Variants in LINGO2 observed in about 807,000 individuals in gnomAD.
LINGO2 encodes leucine rich repeat and Ig domain containing 2, also known as leucine-rich repeat and immunoglobulin-like domain-containing nogo receptor-interacting protein 2.
In LINGO2, 14 loss-of-function variants were observed where a neutral mutation model predicts 30.6. The ratio of observed to expected loss-of-function variants is 0.46; its 90% CI spans 0.30 to 0.72. The LOEUF (loss-of-function observed/expected upper bound fraction) is 0.72. LINGO2 is among the 30% of genes least tolerant of loss of function. LINGO2 has a pLI of 0.07. For synonymous variants in LINGO2, 317 were observed against 288.5 expected (o/e 1.10, Z -1.00); for missense variants, 729 against 751.7 (o/e 0.97, Z 0.35).
At chr9:28,949,891 G>A in the LINGO2 span, among the ~76,000 whole-genome samples, 1 of 152,110 alleles carries the variant, frequency 6.6e-6, no homozygotes, top group African/African-American at 2.4e-5. Context: ...ATAAAATACT[G>A]GATCCTGCAG....
At chr9:28,999,306 T>C in the LINGO2 span, among the ~76,000 whole-genome samples, 1 of 152,088 alleles carries the variant, frequency 6.6e-6, no homozygotes, top group Non-Finnish European at 1.5e-5. Flanking sequence ...GTCAGACATG[T>C]AAGCTTCATT....
intron 4 of LINGO2, among the ~76,000 whole-genome samples, chr9:28,082,489 G>T (rs186927948): frequency 1.1e-3 from 168 of 152,152 alleles, no homozygotes; most frequent in Middle Eastern, 6.8e-3. Context: ...TTACAAAGCT[G>T]TGAGTATGAT....
chr9:28,769,206 A>T, the LINGO2 span, among the ~76,000 whole-genome samples: 1 of 151,370 alleles, frequency 6.6e-6, no homozygotes, highest in Non-Finnish European at 1.5e-5. Context: ...ATTTAATCTT[A>T]ATTCTATAGG....
chr9:28,184,775 A>G (rs1819482328), intron 4 of LINGO2, among the ~76,000 whole-genome samples: 1 of 152,184 alleles, frequency 6.6e-6, no homozygotes, highest in Non-Finnish European at 1.5e-5. Context: ...AACTTTCAGT[A>G]AGAAAGCAAA....
At chr9:28,625,416 T>C (rs1826615204) in intron 1 of LINGO2, among the ~76,000 whole-genome samples, 1 of 152,160 alleles carries the variant, frequency 6.6e-6, no homozygotes, top group Non-Finnish European at 1.5e-5. Flanking sequence ...TCAATGTCTC[T>C]TTCAGTGATG....
chr9:28,309,153 T>C (rs557576248), intron 3 of LINGO2, among the ~76,000 whole-genome samples: 4 of 152,138 alleles, frequency 2.6e-5, no homozygotes, highest in Non-Finnish European at 5.9e-5. Flanking sequence ...TGTGGCATTA[T>C]TCACAATAGC....
intron 2 of LINGO2, among the ~76,000 whole-genome samples, chr9:28,385,972 G>A (rs928121364): frequency 1.4e-4 from 22 of 152,108 alleles, no homozygotes; most frequent in Non-Finnish European, 2.5e-4. Flanking sequence ...GGCCTTCTGG[G>A]AACTCAGACA....
intron 1 of LINGO2, among the ~76,000 whole-genome samples, chr9:28,489,450 A>G (rs958272674): frequency 1.3e-5 from 2 of 152,174 alleles, no homozygotes; most frequent in African/African-American, 4.8e-5. Context: ...GATTACAGGC[A>G]TAAGTCACTG....
At chr9:28,454,928 A>T (rs1824787826) in intron 2 of LINGO2, among the ~76,000 whole-genome samples, 1 of 152,086 alleles carries the variant, frequency 6.6e-6, no homozygotes, top group Non-Finnish European at 1.5e-5. Context: ...ATAATGTGAT[A>T]CATTTTTGAC....
the LINGO2 span, among the ~76,000 whole-genome samples, chr9:28,895,849 A>C: frequency 6.6e-6 from 1 of 152,060 alleles, no homozygotes; most frequent in Non-Finnish European, 1.5e-5. Flanking sequence ...GGGAAAAAAA[A>C]CTTCATTTTT....
the LINGO2 span, among the ~76,000 whole-genome samples, chr9:28,957,068 G>A: frequency 6.6e-6 from 1 of 151,948 alleles, no homozygotes; most frequent in Non-Finnish European, 1.5e-5. Flanking sequence ...AGCTCCATTT[G>A]CCTCTGTAAC....
At chr9:28,942,266 G>T in the LINGO2 span, among the ~76,000 whole-genome samples, 20 of 152,142 alleles carry the variant, frequency 1.3e-4, no homozygotes, top group Non-Finnish European at 2.5e-4. Context: ...AACTTAATTT[G>T]TATATCATCT....
chr9:28,008,313 T>C (rs1587676797), intron 5 of LINGO2, among the ~76,000 whole-genome samples: 1 of 152,224 alleles, frequency 6.6e-6, no homozygotes, highest in African/African-American at 2.4e-5. Context: ...ATACATCTAT[T>C]TACCTATGTT....
chr9:28,180,769 G>T (rs1285649163), intron 4 of LINGO2, among the ~76,000 whole-genome samples: 2 of 152,146 alleles, frequency 1.3e-5, no homozygotes, highest in East Asian at 3.9e-4. Context: ...CCTCTCCCAA[G>T]TAAGAGAACC....
Position 28,501,036 on chromosome 9 carries a change from T to C in LINGO2, c.-364-25011A>G, listed in dbSNP as rs79004334. On this transcript the variant is annotated intron_variant, in intron 1 of 5. Transcript: ENST00000379992. The stretch of plus-strand genomic sequence containing the variant: ...AAAAATAAAGACTTTTATAACATTC[T>C]ATCTACCAACTGCAGGTCCTTTCTG... Among the ~76,000 whole-genome samples the C allele has an allele frequency of 9.5e-3, 1,446 of 152,250 alleles. 23 individuals are homozygous for C. The highest frequency in any genetic ancestry group is 0.033 in the African/African-American group (1,361 of 41,560).
the LINGO2 span, among the ~76,000 whole-genome samples, chr9:28,859,343 C>T: frequency 6.6e-6 from 1 of 151,988 alleles, no homozygotes; most frequent in Non-Finnish European, 1.5e-5. Flanking sequence ...AGTATACCCA[C>T]ATGAAAATAA....
At chr9:28,789,764 C>G in the LINGO2 span, among the ~76,000 whole-genome samples, 1 of 152,144 alleles carries the variant, frequency 6.6e-6, no homozygotes, top group Non-Finnish European at 1.5e-5. Flanking sequence ...CATCCATGTT[C>G]CTTGAAATAT....
intron 4 of LINGO2, among the ~76,000 whole-genome samples, chr9:28,135,974 A>G (rs891272204): frequency 3.9e-5 from 6 of 152,168 alleles, no homozygotes; most frequent in Non-Finnish European, 7.4e-5. Context: ...ATAGTCCAGC[A>G]TCTATCTAGC....
At chr9:28,355,323 CTCTG>C (rs1820143524) in intron 3 of LINGO2, among the ~76,000 whole-genome samples, 16 of 93,224 alleles carry the variant, frequency 1.7e-4, no homozygotes, top group African/African-American at 4.6e-4. Context: ...CTCTCTCTCT[CTCTG>C]TCTCTGTCTC....
Sources: gnomAD v4.1 joint callset for allele counts (sites outside exome capture counted in the v4.1 genomes callset) on GRCh38, gnomAD v4.1.1 for gene constraint, MANE v1.5 for transcripts, NCBI Gene and HGNC (gene_info 2026-07-23, HGNC 2026-07-21) for gene names.